Variants in LYPLA1 observed in about 807,000 individuals in gnomAD.
LYPLA1 encodes acyl-protein thioesterase 1.
In LYPLA1, 17 loss-of-function variants were observed where a neutral mutation model predicts 34.0. That is an observed-to-expected ratio of 0.50 (90% CI 0.34 to 0.75). The LOEUF (loss-of-function observed/expected upper bound fraction) is 0.75. Ranked by LOEUF, LYPLA1 falls within the 30% of genes least tolerant of loss-of-function variation. The pLI is 0.01. For synonymous variants in LYPLA1, 98 were observed against 100.8 expected (o/e 0.97, Z 0.17); for missense variants, 203 against 288.8 (o/e 0.70, Z 2.15).
Position 54,101,618 on chromosome 8 carries a change from A to T in LYPLA1, c.69+137T>A, listed in dbSNP as rs897175308. ...CCCCGCGGACCCGGCCGCGCGGACC[A>T]TTCGCACCCCACCCGGGCCGGGAGG... On this transcript the variant is annotated intron_variant, in intron 1 of 8. Transcript: ENST00000316963. 8.0e-5 allele frequency: 91 copies of T among 1,142,722 alleles called. 1 individual carries two copies. Among genetic ancestry groups the T allele is most frequent in the Non-Finnish European group, 9.8e-5 (91 of 925,782 alleles). 70.8% of individuals were successfully genotyped at this position (1,142,722 alleles called of 1,614,324 possible). A position where few individuals can be genotyped will look rare whatever the true frequency, so the allele number is the denominator to read the frequency against.
intron 3 of LYPLA1, among the ~76,000 whole-genome samples, chr8:54,065,328 C>A (rs1164920427): frequency 6.6e-6 from 1 of 151,938 alleles, no homozygotes; most frequent in Non-Finnish European, 1.5e-5. Context: ...CGTGGTGGCA[C>A]GTACCTGTAA....
intron 4 of LYPLA1, among the ~76,000 whole-genome samples, chr8:54,062,875 A>G (rs1806763113): frequency 6.6e-6 from 1 of 152,180 alleles, no homozygotes; most frequent in Non-Finnish European, 1.5e-5. Context: ...GAAAAATCAT[A>G]GTCTGGAAGT....
At position 54,068,178 on chromosome 8, in the gene LYPLA1, G is replaced by A. The variant is rs116636098; in HGVS notation, c.102-2365C>T. ...TATATGTGTAAATAGCTATGTTAAA[G>A]ACTTTTTTCTGAAAACTATAAAACA... On this transcript the variant is annotated intron_variant, in intron 2 of 8. Coordinates refer to ENST00000316963, the MANE Select transcript of LYPLA1 (RefSeq NM_006330.4). Among the ~76,000 whole-genome samples, 613 of 152,158 alleles carry A rather than the reference G, an allele frequency of 4.0e-3. 4 individuals are homozygous for A. Among genetic ancestry groups the A allele is most frequent in the African/African-American group, 0.014 (584 of 41,504 alleles).
chr8:54,066,487 A>T (rs1034241092), intron 2 of LYPLA1, among the ~76,000 whole-genome samples: 15 of 152,128 alleles, frequency 9.9e-5, no homozygotes, highest in Non-Finnish European at 1.5e-5. Flanking sequence ...TTACACAAAG[A>T]AAAAAAGCCT....
intron 2 of LYPLA1, among the ~76,000 whole-genome samples, chr8:54,083,314 C>G (rs183312780): frequency 2.6e-5 from 4 of 152,264 alleles, no homozygotes; most frequent in East Asian, 3.9e-4. Context: ...ATATTATCAT[C>G]TTAGGAATAT....
chr8:54,083,476 A>G (rs557509622), intron 2 of LYPLA1, among the ~76,000 whole-genome samples: 4 of 152,192 alleles, frequency 2.6e-5, no homozygotes, highest in Admixed American at 2.6e-4. Context: ...TCATGATGTA[A>G]AACATCTGTA....
chr8:54,067,038 G>A (rs544062981), intron 2 of LYPLA1, among the ~76,000 whole-genome samples: 1 of 151,176 alleles, frequency 6.6e-6, no homozygotes, highest in Non-Finnish European at 1.5e-5. Context: ...GCGTTTTTGT[G>A]CATTGCCTGT....
At chr8:54,052,249 A>T (rs1291824610) in intron 7 of LYPLA1, among the ~76,000 whole-genome samples, 1 of 152,212 alleles carries the variant, frequency 6.6e-6, no homozygotes, top group African/African-American at 2.4e-5. Flanking sequence ...TGTGACAATA[A>T]GGTTTCTTTC....
intron 2 of LYPLA1, among the ~76,000 whole-genome samples, chr8:54,070,394 G>A (rs531907604): frequency 5.9e-5 from 9 of 152,232 alleles, no homozygotes; most frequent in Non-Finnish European, 1.3e-4. Context: ...ACTTCAAGGT[G>A]CAAACAACCC....
chr8:54,045,215 T>C (rs1805447929), downstream of LYPLA1, among the ~76,000 whole-genome samples: 1 of 152,246 alleles, frequency 6.6e-6, no homozygotes, highest in Non-Finnish European at 1.5e-5. Context: ...ATATATTAAA[T>C]AATTACATTT....
chr8:54,091,111 C>T (rs934449700), intron 2 of LYPLA1, among the ~76,000 whole-genome samples: 3 of 152,204 alleles, frequency 2.0e-5, no homozygotes, highest in African/African-American at 7.2e-5. Context: ...CTCAAGCCAT[C>T]CTCCCACCTC....
rs1806110377 is a variant in LYPLA1, at chr8:54,055,048, A to G, written c.360+12T>C. On this transcript the variant is annotated intron_variant, in intron 6 of 8. Coordinates refer to ENST00000316963, the MANE Select transcript of LYPLA1 (RefSeq NM_006330.4). ...CTGATGGTACTGACATTCCACTCAAATTTTATCTTACCTGAGAAAACCCTC... is the reference window on the plus strand; with the variant it reads ...CTGATGGTACTGACATTCCACTCAAGTTTTATCTTACCTGAGAAAACCCTC... 3 of 1,550,110 alleles carry G rather than the reference A, an allele frequency of 1.9e-6. No individual in the cohort carries two copies. The highest frequency in any genetic ancestry group is 1.7e-5 in the Admixed American group (1 of 59,604).
At chr8:54,043,994 T>A (rs1027897970), downstream of LYPLA1, among the ~76,000 whole-genome samples, 1 of 152,022 alleles carries the variant, frequency 6.6e-6, no homozygotes, top group Non-Finnish European at 1.5e-5. Context: ...CAGGTTCAAG[T>A]GATTGTCTTG....
chr8:54,085,161 A>AT (rs1307428193), intron 2 of LYPLA1, among the ~76,000 whole-genome samples: 7 of 152,074 alleles, frequency 4.6e-5, no homozygotes, highest in Non-Finnish European at 7.4e-5. Flanking sequence ...TGGTTTTTGT[A>AT]TTTTTTGGTT....
rs527560819 is a variant in LYPLA1, at chr8:54,082,696, A to G, written c.102-16883T>C. ...TTCTTTGTAAACATTTTGGCATTTC[A>G]ATTTTTTTCACACAGATTTCTCATG... On this transcript the variant is annotated intron_variant, in intron 2 of 8. Transcript: ENST00000316963. Among the ~76,000 whole-genome samples the G allele has an allele frequency of 3.3e-5, 5 of 152,240 alleles. No individual in the cohort carries two copies. In the East Asian group the frequency reaches 9.7e-4, roughly 29 times the overall value.
At chr8:54,093,224 G>GTGTA (rs1378457701) in intron 2 of LYPLA1, among the ~76,000 whole-genome samples, 4 of 152,190 alleles carry the variant, frequency 2.6e-5, no homozygotes, top group African/African-American at 9.7e-5. Flanking sequence ...GAGAATAATG[G>GTGTA]TGTAGTTGAA....
intron 2 of LYPLA1, among the ~76,000 whole-genome samples, chr8:54,095,823 G>A (rs1027479315): frequency 2.6e-5 from 4 of 151,496 alleles, no homozygotes; most frequent in East Asian, 1.9e-4. Flanking sequence ...GGGCTCAAGC[G>A]ATTCTCATGC....
In LYPLA1 at chr8:54,047,854, C is replaced by G. The variant is rs1805573653; in HGVS notation, c.*211G>C. The G allele has an allele frequency of 2.4e-6, 1 of 412,674 alleles. No individual in the cohort carries two copies. Among genetic ancestry groups the G allele is most frequent in the Non-Finnish European group, 4.3e-6 (1 of 233,408 alleles). 25.6% of individuals were successfully genotyped at this position (412,674 alleles called of 1,614,324 possible). ...CTTCATCTATTCTAATATAGTAGAT[C>G]CTGGGTCGTCTTATAAGAATACATG... On this transcript the variant is annotated 3_prime_UTR_variant, in exon 9 of 9. Transcript: ENST00000316963.
chr8:54,079,305 G>C (rs181170563), intron 2 of LYPLA1, among the ~76,000 whole-genome samples: 100 of 152,166 alleles, frequency 6.6e-4, no homozygotes, highest in Non-Finnish European at 1.2e-3. Context: ...AATTTCAGTA[G>C]AATTAGGAAT....
Sources: allele counts gnomAD v4.1 joint callset (sites outside exome capture counted in the v4.1 genomes callset), GRCh38; gene constraint gnomAD v4.1.1; transcripts MANE v1.5; gene names NCBI Gene and HGNC (gene_info 2026-07-23, HGNC 2026-07-21).